Variants in PIP5K1B observed in about 807,000 individuals in gnomAD.
The protein encoded by PIP5K1B is phosphatidylinositol-4-phosphate 5-kinase type 1 beta, also known as phosphatidylinositol 4-phosphate 5-kinase type-1 beta.
Under a neutral mutation model 67.0 loss-of-function variants are expected in PIP5K1B, and 42 were observed. That is an observed-to-expected ratio of 0.63 (90% CI 0.49 to 0.81). The LOEUF is 0.81. Among genes scored for constraint, PIP5K1B ranks in the 30% least tolerant of loss-of-function variants. The probability of loss-of-function intolerance (pLI) is 0.00; values close to 1 mark genes in which losing one functional copy is unlikely to be tolerated. For missense variants in PIP5K1B, 459 were observed against 646.3 expected (o/e 0.71, Z 3.14); for synonymous variants, 214 against 231.4 (o/e 0.92, Z 0.68).
intron 4 of PIP5K1B, among the ~76,000 whole-genome samples, chr9:68,851,528 C>CA (rs1822480740): frequency 6.6e-6 from 1 of 152,192 alleles, no homozygotes; most frequent in South Asian, 2.1e-4. Context: ...CCCCAAAAGT[C>CA]ACGTATGAAA....
intron 14 of PIP5K1B, among the ~76,000 whole-genome samples, chr9:68,959,127 T>C (rs998042784): frequency 7.2e-5 from 11 of 152,182 alleles, no homozygotes; most frequent in African/African-American, 2.7e-4. Flanking sequence ...TTTTCTGCTT[T>C]GTGAATTCAT....
At chr9:68,852,232 T>A (rs1310568694) in intron 4 of PIP5K1B, among the ~76,000 whole-genome samples, 2 of 151,726 alleles carry the variant, frequency 1.3e-5, no homozygotes, top group Non-Finnish European at 2.9e-5. Flanking sequence ...AGTAAAATTT[T>A]AAAAAAGAAA....
chr9:68,984,147 T>C (rs945802616), intron 14 of PIP5K1B, among the ~76,000 whole-genome samples: 2 of 152,254 alleles, frequency 1.3e-5, no homozygotes, highest in Admixed American at 1.3e-4. Flanking sequence ...ATTATTATTC[T>C]CATTTTACAT....
chr9:68,790,026 T>C (rs1831869972), intron 2 of PIP5K1B, among the ~76,000 whole-genome samples: 2 of 152,198 alleles, frequency 1.3e-5, no homozygotes, highest in South Asian at 4.1e-4. Flanking sequence ...TGTTCCTAGA[T>C]TGTCATTCCT....
intron 14 of PIP5K1B, among the ~76,000 whole-genome samples, chr9:68,944,991 C>T (rs1827730725): frequency 6.6e-6 from 1 of 152,030 alleles, no homozygotes; most frequent in Non-Finnish European, 1.5e-5. Flanking sequence ...ACTCCTGCAT[C>T]ATAGCCTCCA....
At chr9:68,721,119 C>T (rs553206076) in intron 1 of PIP5K1B, among the ~76,000 whole-genome samples, 5 of 152,232 alleles carry the variant, frequency 3.3e-5, no homozygotes, top group Non-Finnish European at 5.9e-5. Context: ...GCCAGACCAT[C>T]GACATCTTGT....
At chr9:68,809,926 T>A (rs1036412342) in intron 2 of PIP5K1B, among the ~76,000 whole-genome samples, 16 of 152,198 alleles carry the variant, frequency 1.1e-4, no homozygotes, top group African/African-American at 3.4e-4. Context: ...TCCTTGTCAT[T>A]ATGGCCCCGG....
chr9:68,720,108 T>G (rs1827817225), intron 1 of PIP5K1B, among the ~76,000 whole-genome samples: 1 of 152,212 alleles, frequency 6.6e-6, no homozygotes, highest in East Asian at 1.9e-4. Flanking sequence ...AAAGACAGCC[T>G]GTATTATTAT....
intron 2 of PIP5K1B, among the ~76,000 whole-genome samples, chr9:68,793,556 C>G (rs568202376): frequency 6.6e-6 from 1 of 152,072 alleles, no homozygotes; most frequent in East Asian, 1.9e-4. Flanking sequence ...AGAAGTTAAG[C>G]ATAACTGAAA....
intron 15 of PIP5K1B, among the ~76,000 whole-genome samples, chr9:69,003,466 T>TAAA (rs57669897): frequency 5.4e-4 from 9 of 16,514 alleles, no homozygotes; most frequent in Admixed American, 1.5e-3. Flanking sequence ...TAATTATAGT[T>TAAA]AAAAAAAAAA....
chr9:68,725,869 G>A (rs181920692), intron 1 of PIP5K1B, among the ~76,000 whole-genome samples: 5 of 152,264 alleles, frequency 3.3e-5, no homozygotes, highest in East Asian at 1.9e-4. Context: ...TGCTTATTCC[G>A]TTTAGTTTGT....
intron 4 of PIP5K1B, among the ~76,000 whole-genome samples, chr9:68,828,884 C>T (rs1198555504): frequency 6.6e-6 from 1 of 151,888 alleles, no homozygotes; most frequent in African/African-American, 2.4e-5. Flanking sequence ...GGTGGATCAC[C>T]TGAGGTCAGA....
intron 5 of PIP5K1B, 87 bp downstream of exon 5, chr9:68,864,054 C>T: frequency 1.6e-6 from 2 of 1,278,618 alleles, no homozygotes; most frequent in Admixed American, 3.6e-5. Flanking sequence ...CTACTATGTA[C>T]ATGTTTATAT....
intron 14 of PIP5K1B, among the ~76,000 whole-genome samples, chr9:68,955,291 T>G (rs1157154526): frequency 6.6e-6 from 1 of 152,232 alleles, no homozygotes; most frequent in African/African-American, 2.4e-5. Context: ...CATAAAGGGT[T>G]TAATTTCAGG....
intron 1 of PIP5K1B, among the ~76,000 whole-genome samples, chr9:68,716,350 A>G (rs1283105692): frequency 1.3e-5 from 2 of 152,230 alleles, no homozygotes; most frequent in African/African-American, 4.8e-5. Context: ...CACAGAATAT[A>G]ACATTTATTC....
At chr9:68,840,800 G>A (rs760048498) in intron 4 of PIP5K1B, among the ~76,000 whole-genome samples, 22 of 152,152 alleles carry the variant, frequency 1.4e-4, no homozygotes, top group Non-Finnish European at 2.1e-4. Context: ...CATCAACCTT[G>A]ATCGTATTTG....
intron 4 of PIP5K1B, among the ~76,000 whole-genome samples, chr9:68,861,423 G>A (rs184220478): frequency 1.7e-4 from 26 of 152,308 alleles, no homozygotes; most frequent in Admixed American, 1.6e-3. Context: ...GATAACACTA[G>A]GTGTAGACTA....
intron 15 of PIP5K1B, among the ~76,000 whole-genome samples, chr9:69,000,284 C>T (rs1032401302): frequency 2.0e-5 from 3 of 152,120 alleles, no homozygotes; most frequent in African/African-American, 7.2e-5. Context: ...TCGCCTACAG[C>T]CATGGAACTC....
chr9:68,946,062 G>A (rs1231376605), intron 14 of PIP5K1B, among the ~76,000 whole-genome samples: 2 of 152,148 alleles, frequency 1.3e-5, no homozygotes, highest in African/African-American at 2.4e-5. Context: ...AAATCACTAC[G>A]TAATCATCGA....
Sources: gnomAD v4.1 joint callset for allele counts (sites outside exome capture counted in the v4.1 genomes callset) on GRCh38, gnomAD v4.1.1 for gene constraint, MANE v1.5 for transcripts, NCBI Gene and HGNC (gene_info 2026-07-23, HGNC 2026-07-21) for gene names.